The following CSMD1 variants were observed in gnomAD, a reference collection of about 807,000 sequenced individuals.
CSMD1 encodes CUB and sushi domain-containing protein 1.
A neutral mutation model predicts 417.5 loss-of-function variants in CSMD1; 213 were observed. That is an observed-to-expected ratio of 0.51 (90% CI 0.46 to 0.57). CSMD1 has a LOEUF of 0.57. Ranked by LOEUF, CSMD1 falls within the 20% of genes least tolerant of loss-of-function variation. CSMD1 has a pLI of 0.00. For missense variants in CSMD1, 6,923 were observed against 4,529.7 expected, an observed-to-expected ratio of 1.53 and a Z score of -15.17; for synonymous variants, 2,862 against 1,736.8, an observed-to-expected ratio of 1.65 and a Z score of -16.11.
intron 7 of CSMD1, among the ~76,000 whole-genome samples, chr8:3,618,931 G>C (rs918404044): frequency 4.6e-5 from 7 of 152,138 alleles, no homozygotes; most frequent in African/African-American, 1.7e-4. Context: ...TGGGCTGCCT[G>C]AGAGACTGAG....
chr8:3,242,753 AG>A (rs1799624780), intron 26 of CSMD1, among the ~76,000 whole-genome samples: 1 of 150,478 alleles, frequency 6.6e-6, no homozygotes, highest in African/African-American at 2.4e-5. Context: ...AGAGACATGG[AG>A]GGAAGGGGTT....
At chr8:4,139,502 G>T (rs1029218763) in intron 3 of CSMD1, among the ~76,000 whole-genome samples, 1 of 145,250 alleles carries the variant, frequency 6.9e-6, no homozygotes, top group Non-Finnish European at 1.5e-5. Context: ...TGAATGGTCT[G>T]CATTCAGTGT....
intron 5 of CSMD1, among the ~76,000 whole-genome samples, chr8:3,827,709 G>C (rs562122268): frequency 6.6e-6 from 1 of 152,160 alleles, no homozygotes; most frequent in Non-Finnish European, 1.5e-5. Flanking sequence ...AGTTTTGTCA[G>C]GATTTATTCC....
chr8:3,319,365 A>T (rs756241320), intron 23 of CSMD1, among the ~76,000 whole-genome samples: 19 of 152,218 alleles, frequency 1.2e-4, no homozygotes, highest in Non-Finnish European at 2.6e-4. Flanking sequence ...ATACACAAAG[A>T]ATTTGGTATA....
intron 18 of CSMD1, among the ~76,000 whole-genome samples, chr8:3,382,808 T>A (rs978639526): frequency 2.0e-5 from 3 of 151,896 alleles, no homozygotes; most frequent in African/African-American, 7.3e-5. Context: ...TTATTTTACA[T>A]CTTTAATAGA....
At chr8:3,047,213 C>CAAAAA (rs749861179) in intron 50 of CSMD1, among the ~76,000 whole-genome samples, 2 of 73,074 alleles carry the variant, frequency 2.7e-5, no homozygotes, top group African/African-American at 6.9e-5. Flanking sequence ...GACTCCCTCT[C>CAAAAA]AAAAAAAAAA....
In CSMD1 at chr8:3,400,335, CA is replaced by C. The variant is rs1811961887; in HGVS notation, c.2267-807del. On this transcript the variant is annotated intron_variant, in intron 15 of 69. Coordinates refer to ENST00000635120, the MANE Select transcript of CSMD1 (RefSeq NM_033225.6). ...ATCATCTTTGTGGATTTATAGATAT[CA>C]AATAAAGTACGTGAAAATACTCCAA... is the stretch of plus-strand genomic sequence containing the variant. Among the ~76,000 whole-genome samples the C allele has an allele frequency of 2.6e-5, 4 of 151,924 alleles. No individual in the cohort carries two copies. The South Asian group carries it at 8.3e-4, about 32-fold the overall frequency.
intron 4 of CSMD1, among the ~76,000 whole-genome samples, chr8:4,006,627 AG>A (rs1431044463): frequency 6.6e-5 from 10 of 152,302 alleles, no homozygotes; most frequent in African/African-American, 2.4e-4. Flanking sequence ...TCAAATCCAT[AG>A]GTAAGCAAGA....
intron 3 of CSMD1, among the ~76,000 whole-genome samples, chr8:4,259,710 A>C (rs1289753212): frequency 6.6e-6 from 1 of 152,184 alleles, no homozygotes; most frequent in African/African-American, 2.4e-5. Flanking sequence ...ACACATTTCA[A>C]TAATTTTGCC....
At chr8:3,741,979 GT>G (rs60936991) in intron 6 of CSMD1, among the ~76,000 whole-genome samples, 144 of 146,098 alleles carry the variant, frequency 9.9e-4, no homozygotes, top group African/African-American at 1.5e-3. Context: ...AAGAATCTTG[GT>G]TTTTTTTTTT....
At chr8:4,479,731 T>C (rs1800986916) in intron 2 of CSMD1, among the ~76,000 whole-genome samples, 1 of 151,840 alleles carries the variant, frequency 6.6e-6, no homozygotes, top group Non-Finnish European at 1.5e-5. Context: ...CCGTCTCTAC[T>C]AAAAATACAA....
chr8:4,878,858 G>A (rs1251728536), intron 1 of CSMD1, among the ~76,000 whole-genome samples: 1 of 151,422 alleles, frequency 6.6e-6, no homozygotes, highest in Admixed American at 6.6e-5. Context: ...AGACTTGCAG[G>A]ATAAGGCAGA....
At chr8:4,044,328 A>G (rs1442037537) in intron 3 of CSMD1, among the ~76,000 whole-genome samples, 1 of 152,230 alleles carries the variant, frequency 6.6e-6, no homozygotes, top group Non-Finnish European at 1.5e-5. Flanking sequence ...AACACTTAAA[A>G]ATAACACAAT....
rs1348630311 is a variant in CSMD1, at chr8:4,032,176, A to G, written c.416-77T>C. The G allele has an allele frequency of 4.9e-6, 5 of 1,019,058 alleles. No homozygotes were observed. The South Asian group carries it at 7.0e-5, about 14-fold the overall frequency. The allele number at this position is 1,019,058 out of a possible 1,614,324, so 63.1% of individuals were successfully genotyped here. ...GAGCCACTTATAAGATAAAACAGAC[A>G]CCATTTTTGAATTATTAAAATGAGA... On this transcript the variant is annotated intron_variant, in intron 3 of 69. Coordinates refer to ENST00000635120, the MANE Select transcript of CSMD1 (RefSeq NM_033225.6).
intron 17 of CSMD1, among the ~76,000 whole-genome samples, chr8:3,388,420 A>G (rs1433629181): frequency 6.6e-6 from 1 of 152,226 alleles, no homozygotes; most frequent in Non-Finnish European, 1.5e-5. Context: ...GGAAAAGAAT[A>G]TCATTGTAAT....
intron 3 of CSMD1, among the ~76,000 whole-genome samples, chr8:4,346,182 G>A (rs1031445868): frequency 2.0e-5 from 3 of 152,014 alleles, no homozygotes; most frequent in East Asian, 1.9e-4. Context: ...ATCAAATATG[G>A]CCTGCTAATT....
intron 10 of CSMD1, among the ~76,000 whole-genome samples, chr8:3,520,428 A>G (rs1333290065): frequency 6.6e-6 from 1 of 152,226 alleles, no homozygotes; most frequent in African/African-American, 2.4e-5. Context: ...AAAAAAGCAT[A>G]TCTTAAAAAT....
intron 2 of CSMD1, among the ~76,000 whole-genome samples, chr8:4,435,061 T>C (rs921480315): frequency 6.6e-6 from 1 of 152,164 alleles, no homozygotes; most frequent in African/African-American, 2.4e-5. Context: ...AGTTTGTGTG[T>C]AATATATCGG....
At chr8:3,493,046 C>T (rs1796201103) in intron 11 of CSMD1, among the ~76,000 whole-genome samples, 3 of 152,054 alleles carry the variant, frequency 2.0e-5, no homozygotes, top group African/African-American at 7.2e-5. Flanking sequence ...TAATCCCCAA[C>T]ACTTTGGGAG....
Sources: allele counts gnomAD v4.1 joint callset (sites outside exome capture counted in the v4.1 genomes callset), GRCh38; gene constraint gnomAD v4.1.1; transcripts MANE v1.5; gene names NCBI Gene and HGNC (gene_info 2026-07-23, HGNC 2026-07-21).